DCC: variants seen among roughly 807,000 people sequenced by gnomAD.
DCC encodes netrin receptor DCC.
A neutral mutation model predicts 172.5 loss-of-function variants in DCC; 58 were observed. That is an observed-to-expected ratio of 0.34 (90% CI 0.27 to 0.42). The LOEUF (loss-of-function observed/expected upper bound fraction) is 0.42, where lower values mean the gene tolerates loss of function less well. DCC is among the 10% of genes least tolerant of loss of function. The probability of loss-of-function intolerance (pLI) is 1.00; values close to 1 mark genes in which losing one functional copy is unlikely to be tolerated. For synonymous variants in DCC, 709 were observed against 644.5 expected (o/e 1.10, Z -1.52); for missense variants, 1,740 against 1,791.0 (o/e 0.97, Z 0.51).
At chr18:52,795,946 G>A (rs1235782940) in intron 2 of DCC, among the ~76,000 whole-genome samples, 1 of 151,656 alleles carries the variant, frequency 6.6e-6, no homozygotes, top group Non-Finnish European at 1.5e-5. Context: ...AATCAATATA[G>A]AATAAAACTT....
chr18:53,065,999 C>A (rs772846723), intron 6 of DCC, 47 bp from the exon 7 acceptor site: 6 of 1,609,086 alleles, frequency 3.7e-6, no homozygotes, highest in Non-Finnish European at 5.1e-6. Context: ...TGTCACCTTG[C>A]ATTTTTTGCT....
intron 3 of DCC, among the ~76,000 whole-genome samples, chr18:52,908,473 A>G (rs892335846): frequency 2.0e-5 from 3 of 152,232 alleles, no homozygotes; most frequent in Non-Finnish European, 2.9e-5. Context: ...TCTGTTGAGT[A>G]TATCAGATGG....
In DCC at chr18:52,582,003, G is replaced by A. The variant is rs141440973; in HGVS notation, c.92-170051G>A. Among the ~76,000 whole-genome samples, 208 of 152,180 alleles carry A rather than the reference G, an allele frequency of 1.4e-3. 1 individual carries two copies. Among genetic ancestry groups the A allele is most frequent in the African/African-American group, 3.7e-3 (155 of 41,532 alleles). On this transcript the variant is annotated intron_variant, in intron 1 of 28. Transcript: ENST00000442544. ...GGACTTCATTCCATTATCTTCTACC[G>A]TATGCAACTTTTTATGATTCCTTTT...
intron 14 of DCC, among the ~76,000 whole-genome samples, chr18:53,326,840 CA>C (rs1474848720): frequency 2.6e-5 from 4 of 152,062 alleles, no homozygotes; most frequent in Non-Finnish European, 5.9e-5. Context: ...CATTTTAAAC[CA>C]CATGAAATGG....
chr18:52,539,291 A>G (rs2032374188), intron 1 of DCC, among the ~76,000 whole-genome samples: 1 of 152,118 alleles, frequency 6.6e-6, no homozygotes, highest in Admixed American at 6.5e-5. Flanking sequence ...TCTAAGAGGG[A>G]GTTCAAGGTA....
chr18:53,063,063 G>C (rs778576049), intron 5 of DCC, among the ~76,000 whole-genome samples: 3 of 151,690 alleles, frequency 2.0e-5, no homozygotes, highest in Non-Finnish European at 4.4e-5. Flanking sequence ...TTTCCAAAAA[G>C]TGTTTCCTTT....
intron 2 of DCC, among the ~76,000 whole-genome samples, chr18:52,863,133 A>G (rs1039009524): frequency 1.3e-5 from 2 of 152,042 alleles, no homozygotes; most frequent in African/African-American, 4.8e-5. Flanking sequence ...AATACAATTT[A>G]CAACAACTTT....
chr18:53,500,500 G>A (rs2046083588), intron 27 of DCC, among the ~76,000 whole-genome samples: 1 of 151,674 alleles, frequency 6.6e-6, no homozygotes, highest in African/African-American at 2.4e-5. Flanking sequence ...AATTTATTTT[G>A]TTGCATTAGT....
intron 27 of DCC, among the ~76,000 whole-genome samples, chr18:53,515,237 CA>C (rs1014448239): frequency 1.1e-3 from 165 of 152,016 alleles, no homozygotes; most frequent in African/African-American, 3.6e-3. Flanking sequence ...AAGCCTTTGA[CA>C]AAATTCAACA....
intron 1 of DCC, among the ~76,000 whole-genome samples, chr18:52,554,597 ATGT>A (rs2032860728): frequency 6.6e-6 from 1 of 152,102 alleles, no homozygotes; most frequent in South Asian, 2.1e-4. Flanking sequence ...GCTAAACTTG[ATGT>A]TGTTCAACAA....
intron 5 of DCC, among the ~76,000 whole-genome samples, chr18:52,950,294 G>A: frequency 6.6e-6 from 1 of 152,186 alleles, no homozygotes. Context: ...TACTCTCTCT[G>A]TGTCTATACA....
intron 15 of DCC, among the ~76,000 whole-genome samples, chr18:53,363,424 T>C (rs970038341): frequency 2.6e-5 from 4 of 152,280 alleles, no homozygotes; most frequent in Admixed American, 6.5e-5. Flanking sequence ...AACCAGCTTT[T>C]TGAAAGTTTG....
In DCC at chr18:53,468,023, T is replaced by G. The variant is rs963541591; in HGVS notation, c.3736+13T>G. 8.3e-7 allele frequency: 1 copy of G among 1,207,612 alleles called. No individual in the cohort carries two copies. The highest frequency in any genetic ancestry group is 2.3e-5 in the East Asian group (1 of 43,096). The allele number at this position is 1,207,612 out of a possible 1,614,324, so 74.8% of individuals were successfully genotyped here. A position where few individuals can be genotyped will look rare whatever the true frequency, so the allele number is the denominator to read the frequency against. ...TCCAACAATCCTGGTGAGTCAATAT[T>G]GGTGCCACAATGAAGAAATGAAATG... On this transcript the variant is annotated intron_variant, in intron 25 of 28. Coordinates refer to ENST00000442544, the MANE Select transcript of DCC (RefSeq NM_005215.4).
At chr18:53,494,930 T>A (rs1236327009) in intron 26 of DCC, among the ~76,000 whole-genome samples, 2 of 152,230 alleles carry the variant, frequency 1.3e-5, no homozygotes, top group Non-Finnish European at 2.9e-5. Context: ...GTTTTTGCAG[T>A]GGCTAGTACC....
intron 27 of DCC, among the ~76,000 whole-genome samples, chr18:53,500,107 A>G (rs1378599101): frequency 6.6e-6 from 1 of 152,192 alleles, no homozygotes; most frequent in Non-Finnish European, 1.5e-5. Flanking sequence ...AGAAAATAAG[A>G]TGGCAGGGAT....
intron 1 of DCC, among the ~76,000 whole-genome samples, chr18:52,554,207 A>C (rs980094117): frequency 2.0e-5 from 3 of 152,132 alleles, no homozygotes; most frequent in African/African-American, 7.2e-5. Context: ...TAAACTCTAA[A>C]GAAAGATAAC....
chr18:53,514,211 T>C (rs1392416411), intron 27 of DCC, among the ~76,000 whole-genome samples: 3 of 151,956 alleles, frequency 2.0e-5, no homozygotes, highest in African/African-American at 7.3e-5. Flanking sequence ...ATTGGGTACA[T>C]AACGAAATGA....
intron 5 of DCC, among the ~76,000 whole-genome samples, chr18:52,966,828 GT>G (rs1291937460): frequency 6.6e-6 from 1 of 152,180 alleles, no homozygotes; most frequent in African/African-American, 2.4e-5. Flanking sequence ...TCTGTAACCA[GT>G]CTGTTTATTA....
chr18:52,986,356 G>T (rs190010907), intron 5 of DCC, among the ~76,000 whole-genome samples: 1 of 152,238 alleles, frequency 6.6e-6, no homozygotes, highest in East Asian at 1.9e-4. Context: ...AGTGGGCAGC[G>T]AATGGCCCAG....
Sources: gnomAD v4.1 joint callset for allele counts (sites outside exome capture counted in the v4.1 genomes callset) on GRCh38, gnomAD v4.1.1 for gene constraint, MANE v1.5 for transcripts, NCBI Gene and HGNC (gene_info 2026-07-23, HGNC 2026-07-21) for gene names.